Variants in TACC2 observed in about 807,000 individuals in gnomAD.
The protein encoded by TACC2 is transforming acidic coiled-coil containing protein 2.
A neutral mutation model predicts 227.3 loss-of-function variants in TACC2; 137 were observed. The observed-to-expected ratio is 0.60, with a 90% CI of 0.52 to 0.69. TACC2 has a LOEUF of 0.69. Among genes scored for constraint, TACC2 ranks in the 30% least tolerant of loss-of-function variants. TACC2 has a pLI of 0.00. For synonymous variants in TACC2, 1,523 were observed against 1,487.5 expected, an observed-to-expected ratio of 1.02 and a Z score of -0.55; for missense variants, 3,470 against 3,694.4, an observed-to-expected ratio of 0.94 and a Z score of 1.57.
chr10:122,151,734 G>T (rs2092063439), intron 7 of TACC2, among the ~76,000 whole-genome samples: 1 of 152,218 alleles, frequency 6.6e-6, no homozygotes, highest in Non-Finnish European at 1.5e-5. Flanking sequence ...TGTGGTCCAA[G>T]TGGGAGACAG....
chr10:122,246,748 T>C (rs1053135482), intron 19 of TACC2: 2 of 152,216 alleles, frequency 1.3e-5, no homozygotes, highest in Non-Finnish European at 2.9e-5. Flanking sequence ...CAAAACAGAC[T>C]CTGGTGCCTG....
In TACC2 at chr10:122,226,594, C is replaced by T. The variant is rs902192557; in HGVS notation, c.7724+113C>T. On this transcript the variant is annotated intron_variant, in intron 13 of 22. Transcript: ENST00000369005. ...TCAGTGCATAGATTCAGGCGGCTGA[C>T]ATGCCACATATTTTTTTTTTTTTTA... 9.8e-6 allele frequency: 7 copies of T among 714,220 alleles called. 1 individual carries two copies. Among genetic ancestry groups the T allele is most frequent in the Non-Finnish European group, 1.6e-5 (7 of 438,276 alleles). 44.2% of individuals were successfully genotyped at this position (714,220 alleles called of 1,614,324 possible).
chr10:122,222,183 G>A (rs1305602688), intron 11 of TACC2, among the ~76,000 whole-genome samples: 1 of 152,202 alleles, frequency 6.6e-6, no homozygotes, highest in African/African-American at 2.4e-5. Flanking sequence ...AAATAGGGCT[G>A]AAATTGGATG....
At chr10:122,172,074 T>TC (rs1176629228) in intron 7 of TACC2, among the ~76,000 whole-genome samples, 2 of 152,140 alleles carry the variant, frequency 1.3e-5, no homozygotes, top group Non-Finnish European at 2.9e-5. Flanking sequence ...ATGTGGGCTC[T>TC]CGGTACCTGA....
rs2075571371 is a variant in TACC2 at position 122,050,662 on chromosome 10, G to A, written c.146+112G>A. 1.3e-6 allele frequency: 1 copy of A among 765,974 alleles called. No homozygotes were observed. The highest frequency in any genetic ancestry group is 2.2e-6 in the Non-Finnish European group (1 of 457,892). 47.4% of individuals were successfully genotyped at this position (765,974 alleles called of 1,614,324 possible). On this transcript the variant is annotated intron_variant, in intron 3 of 22. Transcript: ENST00000369005. This position sits in a 1 kb window ranked among gnomAD's most constrained non-coding sequence, Gnocchi z 4.6. ...TTGGAAACTGGACCCTTAGACACATGGTATCGTCCTCAGTGGTGAGATGTT... is the reference window on the plus strand; with the variant it reads ...TTGGAAACTGGACCCTTAGACACATAGTATCGTCCTCAGTGGTGAGATGTT...
chr10:122,163,825 C>A (rs2092978661), intron 7 of TACC2: 2 of 1,467,158 alleles, frequency 1.4e-6, no homozygotes, highest in Middle Eastern at 4.9e-4. Context: ...AGTGCAGCAA[C>A]CCCGGCCGCC....
chr10:122,063,856 A>ACACACC (rs761240311), intron 3 of TACC2, among the ~76,000 whole-genome samples: 1 of 150,570 alleles, frequency 6.6e-6, no homozygotes, highest in Admixed American at 6.6e-5. Context: ...ACACACACAC[A>ACACACC]CCCTTAAAGA....
chr10:122,238,080 T>TA, intron 18 of TACC2, 43 bp downstream of exon 18: 1 of 1,513,930 alleles, frequency 6.6e-7, no homozygotes, highest in Admixed American at 1.7e-5. Flanking sequence ...GAGGGATACT[T>TA]ACCTGTGGTT....
At chr10:122,095,266 G>A (rs1050798595) in intron 5 of TACC2, among the ~76,000 whole-genome samples, 1 of 152,218 alleles carries the variant, frequency 6.6e-6, no homozygotes, top group African/African-American at 2.4e-5. Flanking sequence ...CTGAGGTCTA[G>A]GGTGTGACAA....
chr10:122,018,186 A>G (rs982287031), intron 1 of TACC2, among the ~76,000 whole-genome samples: 8 of 152,070 alleles, frequency 5.3e-5, no homozygotes, highest in Admixed American at 6.6e-5. Flanking sequence ...TGTGTTCTCA[A>G]TGTTCAACTG....
chr10:122,201,430 A>G (rs11817166), intron 8 of TACC2, among the ~76,000 whole-genome samples: 14,067 of 150,714 alleles, frequency 0.093, 2,168 homozygotes, highest in African/African-American at 0.32. Flanking sequence ...TACACTGAGA[A>G]GACAGTGACC....
chr10:121,991,095 T>C (rs918122181), intron 1 of TACC2, among the ~76,000 whole-genome samples: 1 of 152,210 alleles, frequency 6.6e-6, no homozygotes, highest in Non-Finnish European at 1.5e-5. Flanking sequence ...CTGGACCTAC[T>C]TGTTTTTAAA....
At chr10:122,080,821 GA>G (rs1378528229) in intron 3 of TACC2, among the ~76,000 whole-genome samples, 1 of 152,188 alleles carries the variant, frequency 6.6e-6, no homozygotes, top group Non-Finnish European at 1.5e-5. Context: ...ACATTGAGAG[GA>G]GAATCTTTCC....
At position 122,084,413 on chromosome 10, in the gene TACC2, A is replaced by G; in HGVS notation, c.1913A>G (p.Lys638Arg). ...PSSHSAQPPR[K>R]GGAGHTDGPH... ...TCACACTCAGCACAGCCACCCAGAA[A>G]GGGGGGTGCTGGGCACACGGACGGG... is the stretch of plus-strand genomic sequence containing the variant. Residue 638 changes from lysine (K) to arginine (R), a missense_variant, in exon 4 of 23, where the codon AAG becomes AGG. By Grantham distance (26) the Lys-to-Arg change is conservative. Transcript: ENST00000369005. 2 of 1,612,988 alleles carry G rather than the reference A, an allele frequency of 1.2e-6. No homozygotes were observed. Among genetic ancestry groups the G allele is most frequent in the Non-Finnish European group, 1.7e-6 (2 of 1,179,994 alleles).
At chr10:122,121,739 G>A (rs879267049) in intron 5 of TACC2, among the ~76,000 whole-genome samples, 1 of 152,164 alleles carries the variant, frequency 6.6e-6, no homozygotes, top group East Asian at 1.9e-4. Context: ...ATTCATTCCA[G>A]TAAATGCATT....
chr10:122,102,384 T>TA, intron 5 of TACC2, among the ~76,000 whole-genome samples: 1 of 152,190 alleles, frequency 6.6e-6, no homozygotes, highest in Non-Finnish European at 1.5e-5. Context: ...TGTTGCAGCA[T>TA]AAGACATCTA....
chr10:122,069,395 C>G (rs1017671187), intron 3 of TACC2, among the ~76,000 whole-genome samples: 1 of 152,150 alleles, frequency 6.6e-6, no homozygotes, highest in Non-Finnish European at 1.5e-5. Context: ...GTGCCCACCA[C>G]TACGCCCGGC....
intron 7 of TACC2, among the ~76,000 whole-genome samples, chr10:122,185,178 TTTTC>T (rs2094140450): frequency 6.6e-6 from 1 of 151,144 alleles, no homozygotes; most frequent in Non-Finnish European, 1.5e-5. Context: ...TCACATACTC[TTTTC>T]TTTCTTTTTT....
At chr10:122,044,909 T>G (rs1429840637) in intron 2 of TACC2, among the ~76,000 whole-genome samples, 1 of 152,022 alleles carries the variant, frequency 6.6e-6, no homozygotes, top group African/African-American at 2.4e-5. Flanking sequence ...TTGCCAATTG[T>G]TTTTCCAGCC....
Sources: allele counts gnomAD v4.1 joint callset (sites outside exome capture counted in the v4.1 genomes callset), GRCh38; gene constraint gnomAD v4.1.1; non-coding constraint Gnocchi (gnomAD v3.1); transcripts MANE v1.5; gene names NCBI Gene and HGNC (gene_info 2026-07-23, HGNC 2026-07-21).